The following GALNTL6 variants were observed in gnomAD, a reference collection of about 807,000 sequenced individuals.
The protein encoded by GALNTL6 is polypeptide N-acetylgalactosaminyltransferase-like 6.
In GALNTL6, 46 loss-of-function variants were observed where a neutral mutation model predicts 73.7. That is an observed-to-expected ratio of 0.62 (90% CI 0.49 to 0.80). The LOEUF is 0.80. GALNTL6 is among the 30% of genes least tolerant of loss of function. The probability of loss-of-function intolerance (pLI) is 0.00; values close to 1 mark genes in which losing one functional copy is unlikely to be tolerated. For synonymous variants in GALNTL6, 259 were observed against 263.7 expected, an observed-to-expected ratio of 0.98 and a Z score of 0.17; for missense variants, 604 against 755.0, an observed-to-expected ratio of 0.80 and a Z score of 2.34.
At chr4:171,953,597 T>G (rs748458337) in intron 2 of GALNTL6, among the ~76,000 whole-genome samples, 68 of 152,264 alleles carry the variant, frequency 4.5e-4, no homozygotes, top group Middle Eastern at 3.4e-3. Flanking sequence ...ATACAAGACA[T>G]TCAATCTTTA....
At chr4:171,942,965 C>G (rs1200991391) in intron 2 of GALNTL6, among the ~76,000 whole-genome samples, 1 of 152,062 alleles carries the variant, frequency 6.6e-6, no homozygotes, top group African/African-American at 2.4e-5. Context: ...TGACTGTGCT[C>G]CAAAAGCAGA....
At chr4:171,961,453 T>C (rs146468930) in intron 2 of GALNTL6, among the ~76,000 whole-genome samples, 150 of 152,226 alleles carry the variant, frequency 9.9e-4, no homozygotes, top group African/African-American at 3.3e-3. Flanking sequence ...AAAGTCTTAT[T>C]TGAGATTCCT....
chr4:171,916,664 A>C (rs989605785), intron 2 of GALNTL6, among the ~76,000 whole-genome samples: 8 of 152,124 alleles, frequency 5.3e-5, no homozygotes, highest in African/African-American at 1.9e-4. Context: ...GCGCTTCTTC[A>C]TATGTATTTT....
At chr4:172,156,235 C>G (rs1198611264) in intron 2 of GALNTL6, among the ~76,000 whole-genome samples, 3 of 152,000 alleles carry the variant, frequency 2.0e-5, no homozygotes, top group Non-Finnish European at 2.9e-5. Flanking sequence ...ATGTGTCTCT[C>G]GGCCAGCTTT....
chr4:172,433,217 A>G (rs1029312854), intron 5 of GALNTL6, among the ~76,000 whole-genome samples: 1 of 152,008 alleles, frequency 6.6e-6, no homozygotes, highest in African/African-American at 2.4e-5. Context: ...CTTTAATTCT[A>G]TTTTAAGCTT....
At chr4:173,014,645 A>G (rs1752702528) in intron 11 of GALNTL6, among the ~76,000 whole-genome samples, 1 of 152,216 alleles carries the variant, frequency 6.6e-6, no homozygotes. Flanking sequence ...AACTGCAAGG[A>G]GAAACATGCT....
At chr4:171,852,847 T>C (rs1228439710) in intron 2 of GALNTL6, among the ~76,000 whole-genome samples, 2 of 150,464 alleles carry the variant, frequency 1.3e-5, no homozygotes, top group Non-Finnish European at 3.0e-5. Context: ...GATGTAGGAG[T>C]TTTTTGTTTT....
intron 2 of GALNTL6, among the ~76,000 whole-genome samples, chr4:172,178,295 T>G (rs1223575126): frequency 6.6e-6 from 1 of 152,108 alleles, no homozygotes; most frequent in African/African-American, 2.4e-5. Flanking sequence ...TTTTAAAAAA[T>G]TATTATTATA....
At chr4:172,624,226 A>G (rs17307783) in intron 5 of GALNTL6, among the ~76,000 whole-genome samples, 25,198 of 152,108 alleles carry the variant, frequency 0.17, 2,834 homozygotes, top group Middle Eastern at 0.34. Flanking sequence ...GTATGATCAA[A>G]TGCAGAACTT....
chr4:172,336,511 A>G (rs946250095), intron 4 of GALNTL6, among the ~76,000 whole-genome samples: 1 of 150,878 alleles, frequency 6.6e-6, no homozygotes, highest in Non-Finnish European at 1.5e-5. Context: ...TCCTGACCTC[A>G]GGATCCGCCC....
intron 10 of GALNTL6, among the ~76,000 whole-genome samples, chr4:172,978,522 A>T (rs1053531900): frequency 1.3e-5 from 2 of 152,202 alleles, no homozygotes; most frequent in African/African-American, 2.4e-5. Context: ...ACAGAGTTGA[A>T]ATGCGTTGTT....
intron 4 of GALNTL6, among the ~76,000 whole-genome samples, chr4:172,315,834 T>G (rs555336834): frequency 3.9e-5 from 6 of 152,292 alleles, no homozygotes; most frequent in African/African-American, 1.4e-4. Flanking sequence ...GATTTTGCCA[T>G]GTCTTTGTAT....
intron 5 of GALNTL6, among the ~76,000 whole-genome samples, chr4:172,437,635 TC>T (rs1731680746): frequency 6.6e-6 from 1 of 152,166 alleles, no homozygotes; most frequent in South Asian, 2.1e-4. Flanking sequence ...AGATATCTCC[TC>T]TTTTTTAGTA....
intron 2 of GALNTL6, among the ~76,000 whole-genome samples, chr4:172,220,098 C>T (rs960662287): frequency 1.3e-5 from 2 of 151,724 alleles, no homozygotes; most frequent in African/African-American, 4.8e-5. Flanking sequence ...TCCTCTGTCC[C>T]TTCAAAATGA....
intron 2 of GALNTL6, among the ~76,000 whole-genome samples, chr4:171,837,679 T>G (rs1212111800): frequency 6.8e-6 from 1 of 147,150 alleles, no homozygotes; most frequent in Non-Finnish European, 1.5e-5. Context: ...ATAAATATAT[T>G]ATGTATATTT....
chr4:172,093,534 G>A (rs576698030), intron 2 of GALNTL6, among the ~76,000 whole-genome samples: 24 of 152,176 alleles, frequency 1.6e-4, no homozygotes, highest in African/African-American at 5.8e-4. Context: ...CTGGTACCAT[G>A]GCCTGTTAGG....
At chr4:171,909,595 T>C (rs921104993) in intron 2 of GALNTL6, among the ~76,000 whole-genome samples, 8 of 152,162 alleles carry the variant, frequency 5.3e-5, no homozygotes, top group East Asian at 1.9e-4. Flanking sequence ...CTGAGGACGG[T>C]AGAAAAATCC....
intron 5 of GALNTL6, among the ~76,000 whole-genome samples, chr4:172,572,022 G>T (rs1298920138): frequency 1.3e-5 from 2 of 152,042 alleles, no homozygotes; most frequent in Non-Finnish European, 2.9e-5. Flanking sequence ...CAAAATATTG[G>T]CCATATCTTT....
intron 5 of GALNTL6, among the ~76,000 whole-genome samples, chr4:172,714,102 C>T (rs565110949): frequency 6.6e-6 from 1 of 152,236 alleles, no homozygotes; most frequent in East Asian, 1.9e-4. Flanking sequence ...CGATGACAGA[C>T]TGGTCCCCAG....
Sources: allele counts gnomAD v4.1 joint callset (sites outside exome capture counted in the v4.1 genomes callset), GRCh38; gene constraint gnomAD v4.1.1; transcripts MANE v1.5; gene names NCBI Gene and HGNC (gene_info 2026-07-23, HGNC 2026-07-21).